POLI: variants seen among roughly 807,000 people sequenced by gnomAD.
POLI encodes RAD30 homolog B.
POLI carries 58 observed loss-of-function variants against 51.6 expected under a neutral mutation model. The observed-to-expected ratio is 1.12, with a 90% CI of 0.91 to 1.40. The LOEUF (loss-of-function observed/expected upper bound fraction) is 1.40, where lower values mean the gene tolerates loss of function less well. POLI is among the 40% of genes most tolerant of loss of function. POLI has a pLI of 0.00. For missense variants in POLI, 921 were observed against 871.3 expected (o/e 1.06, Z -0.72); for synonymous variants, 322 against 299.7 (o/e 1.07, Z -0.77).
chr18:54,319,382 A>G (rs2088768969), intron 3 of POLI, among the ~76,000 whole-genome samples: 1 of 152,178 alleles, frequency 6.6e-6, no homozygotes, highest in East Asian at 1.9e-4. Context: ...GAGAAGGGAC[A>G]TTGAAAAGGG....
intron 3 of POLI, among the ~76,000 whole-genome samples, chr18:54,313,476 T>C (rs1306265810): frequency 6.6e-6 from 1 of 152,190 alleles, no homozygotes; most frequent in Non-Finnish European, 1.5e-5. Context: ...GAATAGTTTT[T>C]CTAATTTTGT....
chr18:54,310,393 T>C (rs1202756909), intron 3 of POLI, among the ~76,000 whole-genome samples: 1 of 152,210 alleles, frequency 6.6e-6, no homozygotes, highest in East Asian at 1.9e-4. Flanking sequence ...CATTTTTTGT[T>C]TTCTTATTTG....
At chr18:54,292,289 ATTG>A (rs1334573619) in intron 9 of POLI, among the ~76,000 whole-genome samples, 3 of 152,116 alleles carry the variant, frequency 2.0e-5, no homozygotes, top group African/African-American at 7.2e-5. Flanking sequence ...CTATTTTGGA[ATTG>A]TTAACACATT....
intron 3 of POLI, among the ~76,000 whole-genome samples, chr18:54,308,266 A>G (rs1166192590): frequency 6.6e-6 from 1 of 152,112 alleles, no homozygotes; most frequent in Non-Finnish European, 1.5e-5. Context: ...AGCTCTTGTA[A>G]GGCAGGCCTG....
At chr18:54,298,864 G>C (rs868441229), downstream of POLI, among the ~76,000 whole-genome samples, 1 of 152,002 alleles carries the variant, frequency 6.6e-6, no homozygotes, top group Non-Finnish European at 1.5e-5. Flanking sequence ...TGAGATACAG[G>C]TGTGAGTCAC....
chr18:54,272,424 A>G (rs1370093231), intron 2 of POLI, among the ~76,000 whole-genome samples: 1 of 152,180 alleles, frequency 6.6e-6, no homozygotes, highest in Non-Finnish European at 1.5e-5. Context: ...AGTGAGGGAT[A>G]TGAATGCTCC....
chr18:54,312,841 C>T (rs537106324), intron 3 of POLI, among the ~76,000 whole-genome samples: 1 of 152,134 alleles, frequency 6.6e-6, no homozygotes, highest in East Asian at 1.9e-4. Context: ...CTTATAGATC[C>T]TGGATATTAG....
rs1208352326 is a variant in POLI at position 54,292,033 on chromosome 18, A to G, written c.1399A>G (p.Ser467Gly). ...AACTACTTCACGCTCTGGCAAGCAC[A>G]GTTTTGTAAGTACACTCTTTTTTGT... Reference protein sequence around the residue: ...LSTTSRSGKHSFKMKDTHMED... With the variant: ...LSTTSRSGKHGFKMKDTHMED... The change falls in exon 9 of 10, where the codon AGT becomes GGT. Residue 467 changes from serine to glycine, a missense_variant. Coordinates refer to ENST00000579534, the MANE Select transcript of POLI (RefSeq NM_007195.3). 1 of 1,583,422 alleles carries G rather than the reference A, an allele frequency of 6.3e-7. No homozygotes were observed. The highest frequency in any genetic ancestry group is 1.7e-5 in the Admixed American group (1 of 59,248).
Position 54,277,873 on chromosome 18 carries a change from C to G in POLI, c.559+18C>G, listed in dbSNP as rs147513004. ...TAATCAGTGTGAGTGGGTTCTTATT[C>G]ATTCTACCTACTAACCAAAAGTACA... On this transcript the variant is annotated intron_variant, in intron 4 of 9. Coordinates refer to ENST00000579534, the MANE Select transcript of POLI (RefSeq NM_007195.3). The G allele has an allele frequency of 7.3e-5, 115 of 1,571,816 alleles. No homozygotes were observed. In the African/African-American group the frequency reaches 1.5e-3, roughly 20 times the overall value.
rs147159531 is a variant in POLI, at chr18:54,315,529, C to G, written c.334-4744C>G. Among the ~76,000 whole-genome samples, 38 of 152,174 alleles carry G rather than the reference C, an allele frequency of 2.5e-4. 1 individual carries two copies. The East Asian group carries it at 7.3e-3, about 29-fold the overall frequency. ...TCCAGAATTTCTTTGTTAATTTCTA[C>G]CTTAATGTACTGTCTAACACTGTCA... On this transcript the variant is annotated intron_variant, in intron 3 of 4. Transcript: ENST00000579823.
downstream of POLI, among the ~76,000 whole-genome samples, chr18:54,301,051 G>A (rs1431930950): frequency 1.3e-5 from 2 of 152,120 alleles, no homozygotes; most frequent in South Asian, 2.1e-4. Context: ...AGGCCAGGGT[G>A]GGCAGATCAC....
At chr18:54,321,115 G>A (rs1481497668) in exon 5 of POLI, 1 of 152,170 alleles carries the variant, frequency 6.6e-6, no homozygotes. Flanking sequence ...TTATCACAAG[G>A]ATCCCTCCTG....
Position 54,293,730 on chromosome 18 carries a change from AG to A in POLI, c.1487del (p.Ser496IlefsTer9). On this transcript the variant is annotated frameshift_variant, in exon 10 of 10. Transcript: ENST00000579534. LOFTEE classifies it low-confidence loss of function (END_TRUNC). ...RDFLPSGRIE[S>X]TRTRESPLDT... is the part of the protein sequence containing the mutation. ...TTTCCTACCAAGTGGAAGAATTGAAAGTACAAGAACTAGGGAGTCTCCACTA... is the reference window on the plus strand; with the variant it reads ...TTTCCTACCAAGTGGAAGAATTGAAATACAAGAACTAGGGAGTCTCCACTA... 1 of 1,603,544 alleles carries A rather than the reference AG, an allele frequency of 6.2e-7. No homozygotes were observed. The highest frequency in any genetic ancestry group is 8.5e-7 in the Non-Finnish European group (1 of 1,175,358).
chr18:54,283,925 T>G lies in POLI; in HGVS notation c.979T>G (p.Phe327Val), dbSNP rs781076506. Residue 327 changes from phenylalanine (F) to valine (V), a missense_variant, in exon 7 of 10, where the codon TTT becomes GTT. Coordinates refer to ENST00000579534, the MANE Select transcript of POLI (RefSeq NM_007195.3). ...PVILSGPPQS[F>V]SEEDSFKKCS... ...CTTATTTATGCTTCTTTGATAGTCC[T>G]TTAGTGAAGAAGATTCATTTAAAAA... The G allele has an allele frequency of 1.6e-6, 2 of 1,232,398 alleles. No homozygotes were observed. Among genetic ancestry groups the G allele is most frequent in the South Asian group, 2.6e-5 (2 of 78,346 alleles). The allele number at this position is 1,232,398 out of a possible 1,614,324, so 76.3% of individuals were successfully genotyped here.
chr18:54,314,903 A>G (rs1016058840), intron 3 of POLI, among the ~76,000 whole-genome samples: 3 of 152,032 alleles, frequency 2.0e-5, no homozygotes, highest in African/African-American at 7.2e-5. Flanking sequence ...TTATTCTTTC[A>G]AAGAACCAAC....
At position 54,294,364 on chromosome 18, in the gene POLI, A is replaced by C. The variant is rs531120033; in HGVS notation, c.2120A>C (p.Asp707Ala). 1.9e-6 allele frequency: 3 copies of C among 1,613,642 alleles called. No homozygotes were observed. The highest frequency in any genetic ancestry group is 1.1e-5 in the South Asian group (1 of 91,070). ...GATGAGAAAATTACTTTCCCTTCTG[A>C]CATTGATCCTCAAGTTTTCTATGAA... ...SVDEKITFPS[D>A]IDPQVFYELP... Residue 707 changes from aspartate to alanine, a missense_variant, in exon 10 of 10, where the codon GAC (aspartate) becomes GCC (alanine). Transcript: ENST00000579534.
chr18:54,296,901 C>T lies in POLI; in HGVS notation c.*2434C>T. 1 of 932,148 alleles carries T rather than the reference C, an allele frequency of 1.1e-6. No homozygotes were observed. Among genetic ancestry groups the T allele is most frequent in the African/African-American group, 1.8e-5 (1 of 56,042 alleles). The allele number at this position is 932,148 out of a possible 1,614,324, so 57.7% of individuals were successfully genotyped here. On this transcript the variant is annotated 3_prime_UTR_variant, in exon 10 of 10. Coordinates refer to ENST00000579534, the MANE Select transcript of POLI (RefSeq NM_007195.3). ...TTTTGATAATTTCAATATTTTAAGTCTTTATAAGTCTACATTTAAGGTTAT... is the reference window on the plus strand; with the variant it reads ...TTTTGATAATTTCAATATTTTAAGTTTTTATAAGTCTACATTTAAGGTTAT...
intron 8 of POLI, among the ~76,000 whole-genome samples, chr18:54,288,841 T>C: frequency 6.6e-6 from 1 of 152,182 alleles, no homozygotes; most frequent in East Asian, 1.9e-4. Context: ...TTCTCCTTTT[T>C]TTGTAGTCAT....
chr18:54,279,432 G>A (rs762844601), intron 4 of POLI, among the ~76,000 whole-genome samples: 1 of 151,664 alleles, frequency 6.6e-6, no homozygotes, highest in Non-Finnish European at 1.5e-5. Flanking sequence ...TAGTAGAGAC[G>A]GGGTTTCACC....
Sources: gnomAD v4.1 joint callset for allele counts (sites outside exome capture counted in the v4.1 genomes callset) on GRCh38, gnomAD v4.1.1 for gene constraint, MANE v1.5 for transcripts, NCBI Gene and HGNC (gene_info 2026-07-23, HGNC 2026-07-21) for gene names.